NLGN1: variants seen among roughly 807,000 people sequenced by gnomAD.
NLGN1 encodes neuroligin 1, also known as neuroligin-1.
Under a neutral mutation model 65.5 loss-of-function variants are expected in NLGN1, and 12 were observed. The ratio of observed to expected loss-of-function variants is 0.18; its 90% CI spans 0.12 to 0.30. The LOEUF (loss-of-function observed/expected upper bound fraction) is 0.30. Among genes scored for constraint, NLGN1 ranks in the 10% least tolerant of loss-of-function variants. NLGN1 has a pLI of 1.00. For synonymous variants in NLGN1, 350 were observed against 359.5 expected (o/e 0.97, Z 0.30); for missense variants, 750 against 1,007.1 (o/e 0.74, Z 3.46).
chr3:173,646,365 G>T (rs902101164), intron 3 of NLGN1, among the ~76,000 whole-genome samples: 1 of 152,156 alleles, frequency 6.6e-6, no homozygotes, highest in Non-Finnish European at 1.5e-5. Context: ...ACTACCCCAT[G>T]CCTCACGAAT....
chr3:173,579,710 C>G (rs890004284), intron 2 of NLGN1, among the ~76,000 whole-genome samples: 1 of 152,210 alleles, frequency 6.6e-6, no homozygotes, highest in Non-Finnish European at 1.5e-5. Context: ...GAAAGAACCT[C>G]TTTGTAAACA....
chr3:173,434,557 C>T (rs1384861910), intron 1 of NLGN1, among the ~76,000 whole-genome samples: 1 of 152,164 alleles, frequency 6.6e-6, no homozygotes, highest in Non-Finnish European at 1.5e-5. Flanking sequence ...GAATACAGGA[C>T]ATCATGTAGT....
intron 4 of NLGN1, among the ~76,000 whole-genome samples, chr3:174,083,985 T>C (rs999201359): frequency 2.0e-5 from 3 of 152,208 alleles, no homozygotes; most frequent in Non-Finnish European, 4.4e-5. Context: ...ATGGAAAATA[T>C]CATTTTGTAT....
Position 174,264,659 on chromosome 3 carries a change from G to A in NLGN1, c.647-10656G>A, listed in dbSNP as rs901055348. ...TCCCGCAGCTCAGAGTAATTTGATC[G>A]TCTGAAGCCTTCTCCCCTCAGCTCG... On this transcript the variant is annotated intron_variant, in intron 4 of 6. Coordinates refer to ENST00000457714, the Ensembl canonical transcript of NLGN1. Among the ~76,000 whole-genome samples, 405 of 150,520 alleles carry A rather than the reference G, an allele frequency of 2.7e-3. 1 individual carries two copies. Among genetic ancestry groups the A allele is most frequent in the African/African-American group, 7.8e-3 (321 of 41,018 alleles).
intron 4 of NLGN1, among the ~76,000 whole-genome samples, chr3:174,041,442 AGTGTTATT>A (rs1244243486): frequency 6.6e-6 from 1 of 152,134 alleles, no homozygotes; most frequent in Non-Finnish European, 1.5e-5. Context: ...AACTGCTATG[AGTGTTATT>A]GTACAAATAT....
At chr3:174,255,086 T>A (rs1745432717) in intron 4 of NLGN1, among the ~76,000 whole-genome samples, 1 of 151,658 alleles carries the variant, frequency 6.6e-6, no homozygotes, top group South Asian at 2.1e-4. Context: ...TAGATTAAAC[T>A]GGGTGTTTAG....
chr3:173,978,876 A>T (rs541425185), intron 4 of NLGN1, among the ~76,000 whole-genome samples: 406 of 151,174 alleles, frequency 2.7e-3, no homozygotes, highest in Non-Finnish European at 5.1e-3. Flanking sequence ...CTTGTGGCAG[A>T]CATCTGTAAT....
chr3:173,533,939 G>A (rs1737032363), intron 2 of NLGN1, among the ~76,000 whole-genome samples: 1 of 152,076 alleles, frequency 6.6e-6, no homozygotes, highest in Non-Finnish European at 1.5e-5. Context: ...CCGTGATCGT[G>A]CCACTGCACT....
chr3:173,540,651 G>T (rs964901888), intron 2 of NLGN1, among the ~76,000 whole-genome samples: 1 of 152,084 alleles, frequency 6.6e-6, no homozygotes, highest in Non-Finnish European at 1.5e-5. Flanking sequence ...ATGTTCTCAG[G>T]GGTCAGAGAA....
At chr3:174,209,300 C>G (rs77068111) in intron 4 of NLGN1, among the ~76,000 whole-genome samples, 1 of 152,316 alleles carries the variant, frequency 6.6e-6, no homozygotes, top group East Asian at 1.9e-4. Context: ...TTCCTTCTGA[C>G]TGCACTATAA....
chr3:173,985,374 C>T (rs1204615335), intron 4 of NLGN1, among the ~76,000 whole-genome samples: 1 of 152,120 alleles, frequency 6.6e-6, no homozygotes, highest in East Asian at 1.9e-4. Context: ...CCAGGCAAGT[C>T]CTGGGTCTCA....
chr3:174,180,961 A>T (rs1258313738), intron 4 of NLGN1: 1 of 152,176 alleles, frequency 6.6e-6, no homozygotes, highest in Non-Finnish European at 1.5e-5. Flanking sequence ...AGATTCTAAC[A>T]AGTGATTGGA....
At chr3:173,696,813 G>A (rs1350275571) in intron 3 of NLGN1, among the ~76,000 whole-genome samples, 1 of 152,146 alleles carries the variant, frequency 6.6e-6, no homozygotes, top group African/African-American at 2.4e-5. Flanking sequence ...CTATGAACTA[G>A]CCACACTTTT....
intron 2 of NLGN1, among the ~76,000 whole-genome samples, chr3:173,436,817 C>A (rs1257160649): frequency 6.6e-6 from 1 of 152,204 alleles, no homozygotes; most frequent in African/African-American, 2.4e-5. Flanking sequence ...TGATTTCTAG[C>A]AGTTACTACA....
chr3:174,246,886 T>G (rs1384397754), intron 4 of NLGN1, among the ~76,000 whole-genome samples: 1 of 152,186 alleles, frequency 6.6e-6, no homozygotes, highest in Non-Finnish European at 1.5e-5. Flanking sequence ...AAAGCATAGC[T>G]GGTTCACTCT....
At chr3:173,864,710 G>T (rs1729782508) in intron 4 of NLGN1, among the ~76,000 whole-genome samples, 1 of 152,170 alleles carries the variant, frequency 6.6e-6, no homozygotes, top group Non-Finnish European at 1.5e-5. Context: ...CACGCAGGCT[G>T]TAATTCAATG....
chr3:173,761,401 C>T (rs894862969), intron 3 of NLGN1, among the ~76,000 whole-genome samples: 3 of 151,980 alleles, frequency 2.0e-5, no homozygotes, highest in Non-Finnish European at 4.4e-5. Context: ...GTGGCTATGA[C>T]AGATGGACAT....
intron 2 of NLGN1, among the ~76,000 whole-genome samples, chr3:173,558,210 G>A (rs1294906875): frequency 4.6e-5 from 7 of 151,582 alleles, no homozygotes; most frequent in African/African-American, 9.7e-5. Flanking sequence ...TTTCCTAATT[G>A]TAATATTATT....
At chr3:174,210,932 T>C (rs1403554494) in intron 4 of NLGN1, among the ~76,000 whole-genome samples, 2 of 152,132 alleles carry the variant, frequency 1.3e-5, no homozygotes, top group African/African-American at 4.8e-5. Context: ...GTGTCCGGAA[T>C]TGGTGGGTTC....
Sources: gnomAD v4.1 joint callset for allele counts (sites outside exome capture counted in the v4.1 genomes callset) on GRCh38, gnomAD v4.1.1 for gene constraint, MANE v1.5 for transcripts, NCBI Gene and HGNC (gene_info 2026-07-23, HGNC 2026-07-21) for gene names.